The following SLC39A11 variants were observed in gnomAD, a reference collection of about 807,000 sequenced individuals.
SLC39A11 encodes the protein solute carrier family 39 member 11.
Under a neutral mutation model 36.1 loss-of-function variants are expected in SLC39A11, and 33 were observed. The ratio of observed to expected loss-of-function variants is 0.91; its 90% CI spans 0.69 to 1.22. The LOEUF (loss-of-function observed/expected upper bound fraction) is 1.22. Among genes scored for constraint, SLC39A11 ranks in the 50% most tolerant of loss-of-function variants. The pLI is 0.00. For missense variants in SLC39A11, 432 were observed against 430.3 expected (o/e 1.00, Z -0.03); for synonymous variants, 166 against 170.3 (o/e 0.97, Z 0.20).
At chr17:73,028,707 C>T (rs1251567520) in intron 4 of SLC39A11, among the ~76,000 whole-genome samples, 1 of 151,934 alleles carries the variant, frequency 6.6e-6, no homozygotes, top group African/African-American at 2.4e-5. Context: ...CCCAGACATT[C>T]ACCAGCTGCT....
chr17:72,670,160 TACAC>T (rs202032502), intron 7 of SLC39A11, among the ~76,000 whole-genome samples: 8,033 of 104,100 alleles, frequency 0.077, 295 homozygotes, highest in Middle Eastern at 0.13. Context: ...ACATTTTATA[TACAC>T]ACACACACAC....
intron 4 of SLC39A11, among the ~76,000 whole-genome samples, chr17:73,020,679 TC>T (rs2058313022): frequency 4.7e-5 from 4 of 85,380 alleles, no homozygotes; most frequent in South Asian, 4.8e-4. Context: ...TTTGTTTCTT[TC>T]TTTTTTTTTT....
chr17:72,843,786 G>A lies in SLC39A11; in HGVS notation c.601+5848C>T, dbSNP rs1047099978. 3.3e-5 allele frequency among the ~76,000 whole-genome samples: 5 copies of A among 152,118 alleles called. No homozygotes were observed. The East Asian group carries it at 9.6e-4, about 29-fold the overall frequency. On this transcript the variant is annotated intron_variant, in intron 6 of 9. Coordinates refer to ENST00000255559, the MANE Select transcript of SLC39A11 (RefSeq NM_139177.4). ...GTGTATAGCTCTTATCAGATTCACAGGACAACTGTGAACCACAGAAGCTTA... is the reference window on the plus strand; with the variant it reads ...GTGTATAGCTCTTATCAGATTCACAAGACAACTGTGAACCACAGAAGCTTA...
chr17:72,838,065 CTT>C (rs2078644055), intron 6 of SLC39A11: 2 of 1,082,416 alleles, frequency 1.8e-6, no homozygotes, highest in Non-Finnish European at 2.3e-6. Context: ...AGGAGGTTCT[CTT>C]GAGGCCAGCA....
At chr17:72,924,626 A>G (rs545008839) in intron 5 of SLC39A11, among the ~76,000 whole-genome samples, 5 of 152,284 alleles carry the variant, frequency 3.3e-5, no homozygotes, top group Non-Finnish European at 5.9e-5. Flanking sequence ...CAAGTCCCCA[A>G]TGAAGATATA....
chr17:72,715,732 C>T (rs1005843501), intron 7 of SLC39A11, among the ~76,000 whole-genome samples: 1 of 152,080 alleles, frequency 6.6e-6, no homozygotes. Context: ...TTGGTGGAGT[C>T]TCGCTCTGTC....
At chr17:72,665,845 C>T (rs2070733051) in intron 7 of SLC39A11, among the ~76,000 whole-genome samples, 1 of 151,960 alleles carries the variant, frequency 6.6e-6, no homozygotes, top group Non-Finnish European at 1.5e-5. Context: ...TATCTCCTAA[C>T]CTACTATATA....
At chr17:72,797,194 T>C (rs1005789708) in intron 6 of SLC39A11, among the ~76,000 whole-genome samples, 1 of 152,180 alleles carries the variant, frequency 6.6e-6, no homozygotes, top group Non-Finnish European at 1.5e-5. Flanking sequence ...TGTGCACAAA[T>C]ACCCGCCATC....
At chr17:73,073,074 G>A (rs1363245066) in intron 3 of SLC39A11, among the ~76,000 whole-genome samples, 3 of 152,298 alleles carry the variant, frequency 2.0e-5, no homozygotes, top group African/African-American at 7.2e-5. Flanking sequence ...CAGCTACTCG[G>A]GAGGCCAAGG....
intron 5 of SLC39A11, among the ~76,000 whole-genome samples, chr17:72,926,634 C>T (rs1242005485): frequency 6.6e-6 from 1 of 151,950 alleles, no homozygotes; most frequent in Non-Finnish European, 1.5e-5. Context: ...AAGAGACTTC[C>T]ATAAGTCTTT....
At chr17:72,692,140 T>C (rs1055603362) in intron 7 of SLC39A11, among the ~76,000 whole-genome samples, 2 of 151,874 alleles carry the variant, frequency 1.3e-5, no homozygotes, top group African/African-American at 2.4e-5. Flanking sequence ...CCTTCCTGAG[T>C]AGCTGGGACT....
At chr17:72,688,269 TAC>T (rs1401345931) in intron 7 of SLC39A11, among the ~76,000 whole-genome samples, 3 of 152,146 alleles carry the variant, frequency 2.0e-5, no homozygotes, top group Non-Finnish European at 2.9e-5. Flanking sequence ...AAGTACAAAA[TAC>T]AGTCATTGTT....
chr17:72,775,668 A>G (rs544613199), intron 6 of SLC39A11, among the ~76,000 whole-genome samples: 22 of 152,276 alleles, frequency 1.4e-4, no homozygotes, highest in African/African-American at 5.1e-4. Flanking sequence ...GGTGACTCTC[A>G]AGCTTCAAGA....
At chr17:72,999,347 C>G (rs530067746) in intron 4 of SLC39A11, among the ~76,000 whole-genome samples, 1 of 152,340 alleles carries the variant, frequency 6.6e-6, no homozygotes, top group East Asian at 1.9e-4. Context: ...GATCCTTCCA[C>G]TCTGCAAGCC....
intron 4 of SLC39A11, among the ~76,000 whole-genome samples, chr17:72,986,552 C>T (rs1432144939): frequency 6.6e-6 from 1 of 152,218 alleles, no homozygotes; most frequent in Non-Finnish European, 1.5e-5. Flanking sequence ...ACCCTCCACC[C>T]CCAGCTAGCC....
chr17:72,913,133 G>C (rs1423345298), intron 5 of SLC39A11, among the ~76,000 whole-genome samples: 1 of 151,996 alleles, frequency 6.6e-6, no homozygotes, highest in Non-Finnish European at 1.5e-5. Context: ...GTGTAGACTA[G>C]AGAAAGTTAG....
chr17:72,681,069 A>C (rs919575533), intron 7 of SLC39A11, among the ~76,000 whole-genome samples: 12 of 152,060 alleles, frequency 7.9e-5, no homozygotes, highest in African/African-American at 2.9e-4. Context: ...CAGCCTCATG[A>C]GTAGCTGGGA....
chr17:72,837,412 C>T (rs545882387), intron 6 of SLC39A11, among the ~76,000 whole-genome samples: 104 of 146,008 alleles, frequency 7.1e-4, no homozygotes, highest in African/African-American at 2.6e-3. Context: ...CAAGCAAGTG[C>T]CATGGTAGGT....
At chr17:72,761,787 A>C (rs2075587140) in intron 6 of SLC39A11, among the ~76,000 whole-genome samples, 1 of 152,198 alleles carries the variant, frequency 6.6e-6, no homozygotes, top group African/African-American at 2.4e-5. Flanking sequence ...TTTATGGGCC[A>C]ATTGCAATGT....
Sources: gnomAD v4.1 joint callset for allele counts (sites outside exome capture counted in the v4.1 genomes callset) on GRCh38, gnomAD v4.1.1 for gene constraint, MANE v1.5 for transcripts, NCBI Gene and HGNC (gene_info 2026-07-23, HGNC 2026-07-21) for gene names.